The following ASIC2 variants were observed in gnomAD, a reference collection of about 807,000 sequenced individuals.
The protein encoded by ASIC2 is acid-sensing ion channel 2.
ASIC2 carries 25 observed loss-of-function variants against 57.3 expected under a neutral mutation model. The observed-to-expected ratio is 0.44, with a 90% CI of 0.32 to 0.61. The LOEUF is 0.61. ASIC2 is among the 20% of genes least tolerant of loss of function. The pLI, the probability that ASIC2 is intolerant of heterozygous loss-of-function variation, is 0.06. For missense variants in ASIC2, 641 were observed against 738.1 expected (o/e 0.87, Z 1.52); for synonymous variants, 319 against 307.5 (o/e 1.04, Z -0.39).
intron 1 of ASIC2, among the ~76,000 whole-genome samples, chr17:34,044,531 G>A (rs1342980687): frequency 1.3e-5 from 2 of 152,186 alleles, no homozygotes; most frequent in Non-Finnish European, 2.9e-5. Flanking sequence ...TGACAAGGGT[G>A]AACTTTAATC....
At chr17:33,851,771 G>A (rs1913771829) in intron 1 of ASIC2, among the ~76,000 whole-genome samples, 1 of 152,180 alleles carries the variant, frequency 6.6e-6, no homozygotes, top group Non-Finnish European at 1.5e-5. Flanking sequence ...ATGTCAGTGT[G>A]TAGAGGAGCA....
chr17:33,981,249 C>T (rs1005729265), intron 1 of ASIC2, among the ~76,000 whole-genome samples: 1 of 152,136 alleles, frequency 6.6e-6, no homozygotes, highest in African/African-American at 2.4e-5. Flanking sequence ...CGCACCCAGC[C>T]CTCAAGTGTA....
intron 1 of ASIC2, among the ~76,000 whole-genome samples, chr17:33,349,627 G>A (rs1250962880): frequency 1.3e-5 from 2 of 152,158 alleles, no homozygotes; most frequent in Admixed American, 6.5e-5. Flanking sequence ...GGTTTAGGTG[G>A]CAGAGTGCCT....
chr17:34,037,645 C>CAGTTCTTGCCCCAGAGGTT, intron 1 of ASIC2: 1 of 1,608,810 alleles, frequency 6.2e-7, no homozygotes, highest in Non-Finnish European at 8.5e-7. Flanking sequence ...TGTTATTGGA[C>CAGTTCTTGCCCCAGAGGTT]GCCCCAGAGG....
intron 1 of ASIC2, among the ~76,000 whole-genome samples, chr17:33,257,691 T>G (rs1412622619): frequency 2.0e-5 from 3 of 152,178 alleles, no homozygotes; most frequent in South Asian, 2.1e-4. Flanking sequence ...AGGTACCATC[T>G]CCTGAGCAAG....
chr17:33,787,557 A>G (rs1402836286), intron 1 of ASIC2, among the ~76,000 whole-genome samples: 1 of 152,230 alleles, frequency 6.6e-6, no homozygotes, highest in Non-Finnish European at 1.5e-5. Context: ...AGAAGGTATC[A>G]TGTTCTCTAA....
At chr17:34,021,022 A>G (rs969435584) in intron 1 of ASIC2, among the ~76,000 whole-genome samples, 9 of 151,998 alleles carry the variant, frequency 5.9e-5, no homozygotes, top group Non-Finnish European at 1.3e-4. Flanking sequence ...TCCTGTCTCC[A>G]TGTTCCTCAC....
At chr17:33,279,082 G>A (rs1904833057) in intron 1 of ASIC2, among the ~76,000 whole-genome samples, 1 of 152,230 alleles carries the variant, frequency 6.6e-6, no homozygotes, top group Non-Finnish European at 1.5e-5. Flanking sequence ...TAGAAGAGAT[G>A]AGATTTTTAG....
intron 1 of ASIC2, among the ~76,000 whole-genome samples, chr17:33,193,781 T>C (rs964015747): frequency 6.6e-6 from 1 of 152,186 alleles, no homozygotes; most frequent in African/African-American, 2.4e-5. Context: ...CTGATGTTAC[T>C]GATCTAGGAC....
At chr17:33,593,675 C>T (rs1221150025) in intron 1 of ASIC2, among the ~76,000 whole-genome samples, 4 of 152,186 alleles carry the variant, frequency 2.6e-5, no homozygotes, top group Admixed American at 2.6e-4. Flanking sequence ...ACACAGTAGG[C>T]ACTTCATCTG....
intron 2 of ASIC2, among the ~76,000 whole-genome samples, chr17:33,101,094 C>T (rs1390364501): frequency 6.6e-6 from 1 of 152,158 alleles, no homozygotes; most frequent in African/African-American, 2.4e-5. Context: ...GCTGTAGGTT[C>T]CTGTGCCCTG....
chr17:33,082,900 C>T (rs986719301), intron 3 of ASIC2, among the ~76,000 whole-genome samples: 3 of 151,524 alleles, frequency 2.0e-5, no homozygotes, highest in Non-Finnish European at 4.4e-5. Flanking sequence ...TGTGCTGGCT[C>T]TCTTATCTGT....
At chr17:33,061,530 T>A (rs2092020574) in intron 3 of ASIC2, among the ~76,000 whole-genome samples, 1 of 152,238 alleles carries the variant, frequency 6.6e-6, no homozygotes, top group African/African-American at 2.4e-5. Flanking sequence ...TCATGGTGGA[T>A]AAGCTTTTTG....
intron 3 of ASIC2, among the ~76,000 whole-genome samples, chr17:33,057,296 A>G (rs1024971840): frequency 1.3e-5 from 2 of 152,248 alleles, no homozygotes; most frequent in African/African-American, 2.4e-5. Context: ...TTCAAATTCT[A>G]TACTAGCTTA....
chr17:33,488,892 T>C (rs1438154845), intron 1 of ASIC2, among the ~76,000 whole-genome samples: 2 of 152,118 alleles, frequency 1.3e-5, no homozygotes, highest in East Asian at 3.9e-4. Context: ...AGTTGGCCTC[T>C]CTGATGGGGT....
chr17:33,712,409 T>A (rs1198575572), intron 1 of ASIC2, among the ~76,000 whole-genome samples: 1 of 152,224 alleles, frequency 6.6e-6, no homozygotes, highest in Non-Finnish European at 1.5e-5. Context: ...TTGCATCTGT[T>A]AGTTATTTAT....
intron 1 of ASIC2, among the ~76,000 whole-genome samples, chr17:33,533,039 A>G (rs1597770560): frequency 6.6e-6 from 1 of 152,216 alleles, no homozygotes. Context: ...AAAGCTCTCC[A>G]TGATCTGATT....
chr17:33,508,137 C>T (rs752379395), intron 1 of ASIC2, among the ~76,000 whole-genome samples: 132 of 152,108 alleles, frequency 8.7e-4, no homozygotes, highest in Non-Finnish European at 1.6e-3. Context: ...CCCGCTTCCT[C>T]CTCCCCTTCT....
intron 1 of ASIC2, among the ~76,000 whole-genome samples, chr17:33,594,850 C>T (rs1398318929): frequency 6.6e-6 from 1 of 150,526 alleles, no homozygotes; most frequent in East Asian, 2.0e-4. Flanking sequence ...AAAAAGAGCT[C>T]TGTTTAAGCG....
Sources: allele counts gnomAD v4.1 joint callset (sites outside exome capture counted in the v4.1 genomes callset), GRCh38; gene constraint gnomAD v4.1.1; transcripts MANE v1.5; gene names NCBI Gene and HGNC (gene_info 2026-07-23, HGNC 2026-07-21).